MPP2: variants seen among roughly 807,000 people sequenced by gnomAD.
MPP2 encodes MAGUK p55 scaffold protein 2, also known as MAGUK p55 subfamily member 2.
A neutral mutation model predicts 58.5 loss-of-function variants in MPP2; 42 were observed. The ratio of observed to expected loss-of-function variants is 0.72; its 90% CI spans 0.56 to 0.93. The LOEUF is 0.93. Ranked by LOEUF, MPP2 falls within the 40% of genes least tolerant of loss-of-function variation. The probability of loss-of-function intolerance (pLI) is 0.00; values close to 1 mark genes in which losing one functional copy is unlikely to be tolerated. For synonymous variants in MPP2, 300 were observed against 307.8 expected (o/e 0.97, Z 0.26); for missense variants, 632 against 760.4 (o/e 0.83, Z 1.99).
At chr17:43,907,776 C>G, upstream of MPP2, 1 of 985,468 alleles carries the variant, frequency 1.0e-6, no homozygotes, top group South Asian at 4.7e-5. Context: ...TACCAGTACC[C>G]GCTGGTGCCC....
At chr17:43,896,357 C>T (rs1381203385) in intron 3 of MPP2, among the ~76,000 whole-genome samples, 3 of 152,132 alleles carry the variant, frequency 2.0e-5, no homozygotes, top group African/African-American at 7.2e-5. Flanking sequence ...ACTGCAGCCC[C>T]ACCCTACATT....
chr17:43,882,686 G>A (rs1276368554), intron 5 of MPP2, among the ~76,000 whole-genome samples, 175 bp from the exon 6 acceptor site: 1 of 150,970 alleles, frequency 6.6e-6, no homozygotes, highest in African/African-American at 2.4e-5. Flanking sequence ...AATGAGGGGA[G>A]AGGTGGGCAG....
chr17:43,898,602 C>A (rs2047954724), intron 2 of MPP2, among the ~76,000 whole-genome samples: 1 of 152,180 alleles, frequency 6.6e-6, no homozygotes, highest in South Asian at 2.1e-4. Context: ...GTTCTCTCCA[C>A]CCTAGGTAAT....
At chr17:43,906,867 C>T (rs529933121) in intron 1 of MPP2, among the ~76,000 whole-genome samples, 6 of 151,146 alleles carry the variant, frequency 4.0e-5, no homozygotes, top group Admixed American at 2.0e-4. Flanking sequence ...CACCGCCCCC[C>T]CCTTAATTGA....
At chr17:43,885,423 C>T (rs746167476) in intron 3 of MPP2, among the ~76,000 whole-genome samples, 22 of 152,088 alleles carry the variant, frequency 1.4e-4, no homozygotes, top group Non-Finnish European at 2.9e-4. Flanking sequence ...TCCAAGGAAC[C>T]CTGATTCCTT....
In MPP2 at chr17:43,898,369, C is replaced by T; in HGVS notation, c.43G>A (p.Val15Ile). 1 of 1,613,782 alleles carries T rather than the reference C, an allele frequency of 6.2e-7. No homozygotes were observed. The highest frequency in any genetic ancestry group is 8.5e-7 in the Non-Finnish European group (1 of 1,179,716). ...GGGAGGGATCCCAAGTTGTCCAGGACTTGCTGCATGGCTGGGGGAAGGTAC... is the reference window on the plus strand; with the variant it reads ...GGGAGGGATCCCAAGTTGTCCAGGATTTGCTGCATGGCTGGGGGAAGGTAC... The part of the protein sequence containing the change: ...ATNSETAMQQ[V>I]LDNLGSLPSA... The change falls in exon 3 of 13, where the codon GTC becomes ATC. Residue 15 changes from valine (V) to isoleucine (I), a missense_variant. Coordinates refer to ENST00000269095, the MANE Select transcript of MPP2 (RefSeq NM_005374.5).
At chr17:43,901,177 A>C in intron 2 of MPP2, 1 of 832,706 alleles carries the variant, frequency 1.2e-6, no homozygotes, top group Non-Finnish European at 1.4e-6. Flanking sequence ...AAATACCTCA[A>C]GCCTCAGACG....
At position 43,898,384 on chromosome 17, in the gene MPP2, G is replaced by A. The variant is rs1769385171; in HGVS notation, c.32-4C>T. 1 of 1,611,150 alleles carries A rather than the reference G, an allele frequency of 6.2e-7. No individual in the cohort carries two copies. Among genetic ancestry groups the A allele is most frequent in the African/African-American group, 1.3e-5 (1 of 74,852 alleles). Reference sequence around the variant, plus strand: ...TTGTCCAGGACTTGCTGCATGGCTGGGGGAAGGTACGGGCAGTGAGATACA... The same window carrying A: ...TTGTCCAGGACTTGCTGCATGGCTGAGGGAAGGTACGGGCAGTGAGATACA... On this transcript the variant is annotated splice_region_variant and splice_polypyrimidine_tract_variant and intron_variant, in intron 2 of 12. Transcript: ENST00000269095.
rs1490102333 is a variant in MPP2, at chr17:43,879,921, C to G, written c.1214G>C (p.Gly405Ala). The change falls in exon 11 of 13, where the codon GGG becomes GCG. Residue 405 changes from glycine to alanine, a missense_variant. Gly to Ala is a moderately conservative substitution (Grantham distance 60, BLOSUM62 0). Coordinates refer to ENST00000269095, the MANE Select transcript of MPP2 (RefSeq NM_005374.5). This position sits in a 1 kb window ranked among gnomAD's most constrained non-coding sequence, Gnocchi z 4.1. ...AGCACGGACGTCAGCCTCCATCTCC[C>G]CACGGGACACAAAGCTGTAACCCTG... is the stretch of plus-strand genomic sequence containing the variant. ...EGQGYSFVSRGEMEADVRAGR... is the reference protein window; with the variant it reads ...EGQGYSFVSRAEMEADVRAGR... 1.2e-6 allele frequency: 2 copies of G among 1,613,984 alleles called. No individual in the cohort carries two copies. Among genetic ancestry groups the G allele is most frequent in the Non-Finnish European group, 1.7e-6 (2 of 1,180,018 alleles).
chr17:43,876,960 G>A lies in MPP2; in HGVS notation c.*847C>T, dbSNP rs901327424. 1.3e-5 allele frequency: 2 copies of A among 152,418 alleles called. No homozygotes were observed. Among genetic ancestry groups the A allele is most frequent in the African/African-American group, 4.8e-5 (2 of 41,470 alleles). 9.4% of individuals were successfully genotyped at this position (152,418 alleles called of 1,614,324 possible). Reference sequence around the variant, plus strand: ...AGAGCTCAGACCTGTGCCTGCTGTGGGCCATGGAGAGCTTGGGGCTCTTCA... The same window carrying A: ...AGAGCTCAGACCTGTGCCTGCTGTGAGCCATGGAGAGCTTGGGGCTCTTCA... On this transcript the variant is annotated 3_prime_UTR_variant, in exon 13 of 13. Coordinates refer to ENST00000269095, the MANE Select transcript of MPP2 (RefSeq NM_005374.5).
At chr17:43,895,683 T>C (rs1249738266) in intron 3 of MPP2, among the ~76,000 whole-genome samples, 1 of 152,176 alleles carries the variant, frequency 6.6e-6, no homozygotes, top group East Asian at 1.9e-4. Context: ...TACTTATTTA[T>C]TGAAGACGAG....
At chr17:43,890,109 G>C (rs1228999497) in intron 3 of MPP2, among the ~76,000 whole-genome samples, 1 of 152,028 alleles carries the variant, frequency 6.6e-6, no homozygotes, top group Non-Finnish European at 1.5e-5. Context: ...ACCGCACCCG[G>C]CCGTATTTTC....
At chr17:43,893,088 C>T (rs1035294358) in intron 3 of MPP2, among the ~76,000 whole-genome samples, 3 of 152,080 alleles carry the variant, frequency 2.0e-5, no homozygotes, top group African/African-American at 7.2e-5. Context: ...CATTAGAGAG[C>T]TGTCGAGTGG....
At position 43,882,139 on chromosome 17, in the gene MPP2, C is replaced by T. The variant is rs1049383415; in HGVS notation, c.681+145G>A. On this transcript the variant is annotated intron_variant, in intron 6 of 12. Transcript: ENST00000269095. ...AGCGGCAGAGGCCTGTCGGCGGCTG[C>T]GGTCAGCTGCCCCTGGGCTGCAGGT... is the stretch of plus-strand genomic sequence containing the variant. 3.6e-5 allele frequency: 27 copies of T among 741,076 alleles called. 1 individual carries two copies. Among genetic ancestry groups the T allele is most frequent in the Non-Finnish European group, 4.9e-5 (22 of 453,572 alleles). The allele number at this position is 741,076 out of a possible 1,614,324, so 45.9% of individuals were successfully genotyped here.
intron 2 of MPP2, chr17:43,901,520 T>C (rs1329828022): frequency 1.0e-6 from 1 of 985,368 alleles, no homozygotes; most frequent in Non-Finnish European, 1.2e-6. Context: ...ATCAGGGTAC[T>C]GCAGCCTCCA....
In MPP2 at chr17:43,877,926, GC is replaced by G. The variant is rs757726860; in HGVS notation, c.1539del (p.His514ThrfsTer62). 6 of 1,613,910 alleles carry G rather than the reference GC, an allele frequency of 3.7e-6. No homozygotes were observed. The highest frequency in any genetic ancestry group is 5.1e-6 in the Non-Finnish European group (6 of 1,179,952). ...TTGACCAGGCAGAGGTCAAAGTAGT[GC>G]CCGTAGCCCCGCTGGATGCGGCTGC... ...EESSRIQRGY[G>X]HYFDLCLVNS... On this transcript the variant is annotated frameshift_variant, in exon 13 of 13. Coordinates refer to ENST00000269095, the MANE Select transcript of MPP2 (RefSeq NM_005374.5). LOFTEE classifies it high-confidence loss of function.
intron 12 of MPP2, among the ~76,000 whole-genome samples, chr17:43,878,913 C>T (rs2046971769): frequency 6.6e-6 from 1 of 152,206 alleles, no homozygotes; most frequent in South Asian, 2.1e-4. Flanking sequence ...TTCAGCTTTC[C>T]CCCAGCTGTA....
chr17:43,908,279 T>G (rs148006214), upstream of MPP2, among the ~76,000 whole-genome samples: 71 of 152,362 alleles, frequency 4.7e-4, 2 homozygotes, highest in African/African-American at 1.7e-3. Context: ...TAAAAGATGC[T>G]GGGCCTCCAA....
intron 3 of MPP2, among the ~76,000 whole-genome samples, chr17:43,891,933 A>C (rs1642592): frequency 0.12 from 18,297 of 152,022 alleles, 1,425 homozygotes; most frequent in Middle Eastern, 0.2. Flanking sequence ...AGCTGTCCCC[A>C]TTAGTAACAA....
Sources: gnomAD v4.1 joint callset for allele counts (sites outside exome capture counted in the v4.1 genomes callset) on GRCh38, gnomAD v4.1.1 for gene constraint, Gnocchi (gnomAD v3.1) non-coding constraint, MANE v1.5 for transcripts, NCBI Gene and HGNC (gene_info 2026-07-23, HGNC 2026-07-21) for gene names.